The following STOX1 variants were observed in gnomAD, a reference collection of about 807,000 sequenced individuals.
The protein encoded by STOX1 is storkhead-box protein 1.
A neutral mutation model predicts 74.8 loss-of-function variants in STOX1; 57 were observed. That is an observed-to-expected ratio of 0.76 (90% CI 0.62 to 0.95). STOX1 has a LOEUF of 0.95. STOX1 is among the 40% of genes least tolerant of loss of function. The pLI, the probability that STOX1 is intolerant of heterozygous loss-of-function variation, is 0.00. For missense variants in STOX1, 1,010 were observed against 1,117.0 expected (o/e 0.90, Z 1.37); for synonymous variants, 375 against 401.3 (o/e 0.93, Z 0.78).
Position 68,884,641 on chromosome 10 carries a change from G to A in STOX1, c.845G>A (p.Gly282Glu), listed in dbSNP as rs1377658354. ...GAATCCGTATCTTGGGTACAGAATG[G>A]GGCAGTTTCAGTGTCTGCGGAGCAC... is the stretch of plus-strand genomic sequence containing the variant. ...LGESVSWVQN[G>E]AVSVSAEHHI... The change falls in exon 3 of 4, where the codon GGG becomes GAG. Residue 282 changes from glycine (G) to glutamate (E), a missense_variant. Coordinates refer to ENST00000298596, the MANE Select transcript of STOX1 (RefSeq NM_152709.5). 6.2e-7 allele frequency: 1 copy of A among 1,613,872 alleles called. No homozygotes were observed. Among genetic ancestry groups the A allele is most frequent in the Admixed American group, 1.7e-5 (1 of 59,990 alleles).
intron 1 of STOX1, among the ~76,000 whole-genome samples, chr10:68,868,045 T>C (rs996461872): frequency 9.2e-5 from 14 of 152,248 alleles, no homozygotes; most frequent in Non-Finnish European, 1.8e-4. Flanking sequence ...TCGGGTGTCC[T>C]CCAGTGTAGT....
chr10:68,853,845 G>T (rs1010163604), intron 1 of STOX1, among the ~76,000 whole-genome samples: 1 of 151,082 alleles, frequency 6.6e-6, no homozygotes, highest in Non-Finnish European at 1.5e-5. Flanking sequence ...GCCACCATGC[G>T]TGGCTAATTT....
chr10:68,831,477 G>C (rs912644355), intron 1 of STOX1, among the ~76,000 whole-genome samples: 2 of 152,086 alleles, frequency 1.3e-5, no homozygotes, highest in Non-Finnish European at 2.9e-5. Flanking sequence ...GAGCCACTGC[G>C]CCTGGCTAGA....
intron 1 of STOX1, among the ~76,000 whole-genome samples, chr10:68,877,960 A>G (rs1292845576): frequency 6.6e-6 from 1 of 152,148 alleles, no homozygotes; most frequent in Non-Finnish European, 1.5e-5. Context: ...TCTGGTTTCT[A>G]TGACCTGCCT....
At chr10:68,881,898 A>G in intron 1 of STOX1, 60 bp from the exon 2 acceptor site, 1 of 1,601,342 alleles carries the variant, frequency 6.2e-7, no homozygotes, top group South Asian at 1.1e-5. Flanking sequence ...AATTCCAAAC[A>G]TTTTATACTA....
chr10:68,890,638 C>T (rs1195574303), intron 3 of STOX1, among the ~76,000 whole-genome samples: 1 of 148,370 alleles, frequency 6.7e-6, no homozygotes, highest in South Asian at 2.1e-4. Context: ...ATTGGGGGTG[C>T]AAGACCTTTT....
intron 1 of STOX1, among the ~76,000 whole-genome samples, chr10:68,868,015 C>T (rs908297515): frequency 1.2e-4 from 19 of 152,212 alleles, no homozygotes; most frequent in African/African-American, 2.7e-4. Context: ...TTATTCACCA[C>T]GGGGATTGCT....
intron 1 of STOX1, among the ~76,000 whole-genome samples, chr10:68,836,007 G>T (rs1426356681): frequency 6.6e-6 from 1 of 152,194 alleles, no homozygotes; most frequent in East Asian, 1.9e-4. Flanking sequence ...AAGTAGCTGG[G>T]ATTACAGGCG....
At chr10:68,844,408 C>A (rs1235470740) in intron 1 of STOX1, among the ~76,000 whole-genome samples, 1 of 149,180 alleles carries the variant, frequency 6.7e-6, no homozygotes, top group African/African-American at 2.5e-5. Context: ...AAGTGATCCT[C>A]CTGGCTCAGC....
At chr10:68,829,158 G>A (rs1839342343) in intron 1 of STOX1, among the ~76,000 whole-genome samples, 2 of 152,312 alleles carry the variant, frequency 1.3e-5, no homozygotes, top group South Asian at 2.1e-4. Context: ...TCTTCCATCC[G>A]AGGAGAAGGA....
At chr10:68,828,878 A>G in intron 1 of STOX1, 1 of 654,966 alleles carries the variant, frequency 1.5e-6, no homozygotes, top group South Asian at 6.8e-5. Context: ...TTTCAAACTT[A>G]ACTGTTTGTT....
At chr10:68,868,469 C>A (rs1392949521) in intron 1 of STOX1, among the ~76,000 whole-genome samples, 1 of 152,166 alleles carries the variant, frequency 6.6e-6, no homozygotes, top group Non-Finnish European at 1.5e-5. Flanking sequence ...GCCAGGTGTT[C>A]CTTGCCCTCA....
intron 1 of STOX1, among the ~76,000 whole-genome samples, chr10:68,856,392 CCTT>C (rs36122699): frequency 0.059 from 8,936 of 152,096 alleles, 315 homozygotes; most frequent in Middle Eastern, 0.099. Flanking sequence ...CTCTCCTTCT[CCTT>C]CTCCCCGTTT....
chr10:68,858,410 GA>G (rs772569014), intron 1 of STOX1, among the ~76,000 whole-genome samples: 5 of 152,094 alleles, frequency 3.3e-5, no homozygotes, highest in Non-Finnish European at 5.9e-5. Flanking sequence ...GATATAACCT[GA>G]AACCTTCCTT....
At position 68,870,833 on chromosome 10, in the gene STOX1, G is replaced by A. The variant is rs181754163; in HGVS notation, c.311-11125G>A. On this transcript the variant is annotated intron_variant, in intron 1 of 3. Coordinates refer to ENST00000298596, the MANE Select transcript of STOX1 (RefSeq NM_152709.5). ...CTCAGTCCTACAACCATAAGGAACTGATATCTGCCAAAAACCTAAATGAGA... is the reference window on the plus strand; with the variant it reads ...CTCAGTCCTACAACCATAAGGAACTAATATCTGCCAAAAACCTAAATGAGA... 3.1e-3 allele frequency among the ~76,000 whole-genome samples: 471 copies of A among 152,290 alleles called. 6 individuals are homozygous for A. The highest frequency in any genetic ancestry group is 7.6e-4 in the Non-Finnish European group (52 of 68,032).
chr10:68,830,921 A>G (rs1839390304), intron 1 of STOX1, among the ~76,000 whole-genome samples: 1 of 152,140 alleles, frequency 6.6e-6, no homozygotes, highest in East Asian at 1.9e-4. Context: ...TTCATATCAA[A>G]AGAGAAGAGG....
At position 68,884,819 on chromosome 10, in the gene STOX1, A is replaced by G; in HGVS notation, c.1023A>G (p.Glu341=). Residue 341 remains glutamate, a synonymous_variant, in exon 3 of 4, where the codon GAA becomes GAG. Transcript: ENST00000298596. ...TCTCTGCTCAGTTCCCACCTGAAGA[A>G]TGGCCCGTCCGAGATGAAGATGACT... is the stretch of plus-strand genomic sequence containing the variant. The part of the protein sequence containing the change: ...SSFSAQFPPE[E]WPVRDEDDLD... 2 of 1,614,192 alleles carry G rather than the reference A, an allele frequency of 1.2e-6. No homozygotes were observed. Among genetic ancestry groups the G allele is most frequent in the Non-Finnish European group, 8.5e-7 (1 of 1,180,032 alleles).
chr10:68,840,060 G>T (rs1161854780), intron 1 of STOX1, among the ~76,000 whole-genome samples: 1 of 152,158 alleles, frequency 6.6e-6, no homozygotes, highest in African/African-American at 2.4e-5. Flanking sequence ...GATCTTCCTT[G>T]AGGGTGCCGA....
intron 1 of STOX1, among the ~76,000 whole-genome samples, chr10:68,844,370 C>T (rs1228903160): frequency 7.2e-6 from 1 of 139,520 alleles, no homozygotes; most frequent in Non-Finnish European, 1.5e-5. Flanking sequence ...GTGATCTTGG[C>T]TCACTGCAAC....
Sources: gnomAD v4.1 joint callset for allele counts (sites outside exome capture counted in the v4.1 genomes callset) on GRCh38, gnomAD v4.1.1 for gene constraint, MANE v1.5 for transcripts, NCBI Gene and HGNC (gene_info 2026-07-23, HGNC 2026-07-21) for gene names.